The following A2ML1 variants were observed in gnomAD, a reference collection of about 807,000 sequenced individuals.
A2ML1 encodes alpha-2-macroglobulin like 1, also known as alpha-2-macroglobulin-like protein 1.
Under a neutral mutation model 181.9 loss-of-function variants are expected in A2ML1, and 161 were observed. That is an observed-to-expected ratio of 0.89 (90% CI 0.78 to 1.01). A2ML1 has a LOEUF of 1.01. Ranked by LOEUF, A2ML1 falls within the 50% of genes least tolerant of loss-of-function variation. The pLI, the probability that A2ML1 is intolerant of heterozygous loss-of-function variation, is 0.00. For synonymous variants in A2ML1, 663 were observed against 666.8 expected, an observed-to-expected ratio of 0.99 and a Z score of 0.09; for missense variants, 1,670 against 1,768.1, an observed-to-expected ratio of 0.94 and a Z score of 1.00.
At chr12:8,832,426 G>A (rs1473544123) in intron 4 of A2ML1, among the ~76,000 whole-genome samples, 1 of 152,208 alleles carries the variant, frequency 6.6e-6, no homozygotes, top group Non-Finnish European at 1.5e-5. Flanking sequence ...CGGGCAAGAA[G>A]GGGGTCTTTT....
At chr12:8,829,390 C>T (rs987511196) in intron 3 of A2ML1, among the ~76,000 whole-genome samples, 2 of 152,102 alleles carry the variant, frequency 1.3e-5, no homozygotes, top group Non-Finnish European at 2.9e-5. Flanking sequence ...AGGCGGAGCG[C>T]GGTGGCTCAC....
At chr12:8,857,847 C>T (rs1019728332) in intron 25 of A2ML1, 99 bp from the exon 26 acceptor site, 16 of 1,498,250 alleles carry the variant, frequency 1.1e-5, no homozygotes, top group Non-Finnish European at 1.4e-5. Context: ...GTTCCCTCAG[C>T]TCCCCTTCTG....
chr12:8,860,487 A>G (rs1322351767), intron 26 of A2ML1, among the ~76,000 whole-genome samples: 5 of 152,196 alleles, frequency 3.3e-5, no homozygotes, highest in Non-Finnish European at 4.4e-5. Flanking sequence ...CTGCTGGAGA[A>G]GGGCTGGGTA....
Position 8,848,752 on chromosome 12 carries a change from C to G in A2ML1, c.1866C>G (p.His622Gln). 1 of 1,613,678 alleles carries G rather than the reference C, an allele frequency of 6.2e-7. No individual in the cohort carries two copies. Among genetic ancestry groups the G allele is most frequent in the Non-Finnish European group, 8.5e-7 (1 of 1,179,840 alleles). ...GGATGTTTCCATTCTGGTATGGTCACTACCCCTATCAAGTGGCTGAGTATG... is the reference window on the plus strand; with the variant it reads ...GGATGTTTCCATTCTGGTATGGTCAGTACCCCTATCAAGTGGCTGAGTATG... Reference protein sequence around the residue: ...VYGMFPFWYGHYPYQVAEYDQ... With the variant: ...VYGMFPFWYGQYPYQVAEYDQ... Residue 622 changes from histidine to glutamine, a missense_variant, in exon 16 of 36, where the codon CAC (histidine) becomes CAG (glutamine). By Grantham distance (24) the His-to-Gln change is conservative. Transcript: ENST00000299698.
chr12:8,829,282 C>G (rs1943032976), intron 3 of A2ML1, among the ~76,000 whole-genome samples: 1 of 152,180 alleles, frequency 6.6e-6, no homozygotes, highest in South Asian at 2.1e-4. Flanking sequence ...ACCTTACTCT[C>G]AGAGCAGGTT....
chr12:8,868,396 T>C (rs757090375), intron 31 of A2ML1, 39 bp downstream of exon 31: 9 of 1,607,876 alleles, frequency 5.6e-6, no homozygotes, highest in African/African-American at 1.3e-5. Flanking sequence ...GCAGAGCACC[T>C]GGTCATAGGA....
intron 13 of A2ML1, 144 bp from the exon 14 acceptor site, chr12:8,845,933 C>T: frequency 1.6e-6 from 1 of 644,428 alleles, no homozygotes; most frequent in Non-Finnish European, 2.5e-6. Context: ...GGAGCACTAA[C>T]AGTTATCACA....
chr12:8,842,521 T>C (rs927821174), intron 11 of A2ML1, among the ~76,000 whole-genome samples: 14 of 152,104 alleles, frequency 9.2e-5, no homozygotes, highest in African/African-American at 3.4e-4. Context: ...GCCCGGCCCC[T>C]GTTGCATATG....
At chr12:8,850,358 G>A in intron 18 of A2ML1, 84 bp downstream of exon 18, 2 of 1,036,164 alleles carry the variant, frequency 1.9e-6, no homozygotes, top group Non-Finnish European at 2.7e-6. Context: ...GCTTAGGAGG[G>A]AGGATCACTT....
rs1306402220 is a variant in A2ML1 at position 8,852,695 on chromosome 12, TA to T, written c.2590+360del. On this transcript the variant is annotated intron_variant, in intron 20 of 35. Coordinates refer to ENST00000299698, the MANE Select transcript of A2ML1 (RefSeq NM_144670.6). The surrounding 1 kb of genome is among the most constrained non-coding windows in gnomAD (Gnocchi z 4.2). The stretch of plus-strand genomic sequence containing the variant: ...TTAAATTGATTGACTAATTAATTTT[TA>T]TTTTATTTATTTATTTTTGAGAGGA... 1.3e-5 allele frequency among the ~76,000 whole-genome samples: 2 copies of T among 152,236 alleles called. No homozygotes were observed. Among genetic ancestry groups the T allele is most frequent in the African/African-American group, 4.8e-5 (2 of 41,458 alleles).
Position 8,841,009 on chromosome 12 carries a change from AGGAC to A in A2ML1, c.1081-356_1081-353del, listed in dbSNP as rs1322128716. Among the ~76,000 whole-genome samples, 404 of 76,980 alleles carry A rather than the reference AGGAC, an allele frequency of 5.2e-3. 5 individuals carry two copies. The highest frequency in any genetic ancestry group is 0.011 in the Middle Eastern group (2 of 184). The allele number at this position is 76,980 out of a possible 152,430, so 50.5% of individuals were successfully genotyped here. A position where few individuals can be genotyped will look rare whatever the true frequency, so the allele number is the denominator to read the frequency against. ...AAGGAAGGAAGGAAGGAAGGAAGGA[AGGAC>A]GGAAGGAAGGAAGGAAGGAAGGAAA... On this transcript the variant is annotated intron_variant, in intron 10 of 35. Transcript: ENST00000299698.
At chr12:8,831,827 G>T (rs71447538) in intron 4 of A2ML1, among the ~76,000 whole-genome samples, 2 of 151,712 alleles carry the variant, frequency 1.3e-5, no homozygotes, top group African/African-American at 4.8e-5. Flanking sequence ...TCGGCTCGCC[G>T]CAACCTCTGC....
chr12:8,847,700 T>A lies in A2ML1; in HGVS notation c.1833+2T>A. On this transcript the variant is annotated splice_donor_variant, in intron 15 of 35. Transcript: ENST00000299698. LOFTEE classifies it high-confidence loss of function. ...GACAGAGAGCTGAGCAACCGCTCTG[T>A]GAGTAACTGTCTGCTGACAGAGTGG... The A allele has an allele frequency of 6.2e-7, 1 of 1,607,688 alleles. No individual in the cohort carries two copies. Among genetic ancestry groups the A allele is most frequent in the Non-Finnish European group, 8.5e-7 (1 of 1,177,732 alleles).
At chr12:8,831,575 A>G (rs1454928795) in intron 4 of A2ML1, among the ~76,000 whole-genome samples, 1 of 152,104 alleles carries the variant, frequency 6.6e-6, no homozygotes, top group Non-Finnish European at 1.5e-5. Context: ...TGTTTATGTA[A>G]CCACCCAATG....
chr12:8,867,110 C>T (rs1438730167), intron 29 of A2ML1, among the ~76,000 whole-genome samples: 1 of 152,154 alleles, frequency 6.6e-6, no homozygotes. Context: ...ATACTCCTTC[C>T]AACTGTCATG....
intron 7 of A2ML1, among the ~76,000 whole-genome samples, chr12:8,885,654 G>A (rs905342621): frequency 6.6e-6 from 1 of 152,012 alleles, no homozygotes; most frequent in Non-Finnish European, 1.5e-5. Context: ...GATAGAGTTG[G>A]GGTTTCAGCA....
intron 10 of A2ML1, among the ~76,000 whole-genome samples, chr12:8,840,762 G>T (rs775772957): frequency 6.6e-6 from 1 of 151,988 alleles, no homozygotes; most frequent in African/African-American, 2.4e-5. Context: ...ACAAAAATTA[G>T]CCAGGTATGG....
chr12:8,868,134 T>A, intron 30 of A2ML1, 77 bp downstream of exon 30: 1 of 1,608,870 alleles, frequency 6.2e-7, no homozygotes, highest in Non-Finnish European at 8.5e-7. Context: ...GCCTTCTCTC[T>A]CTCTTTCTTT....
chr12:8,823,196 C>A lies in A2ML1; in HGVS notation c.77C>A (p.Thr26Lys), dbSNP rs2136693908. ...TCCTTTAATAGAAACTACCTGGTGA[C>A]ATTACCAGCCCGGCTAAATTTCCCC... ...IAEELPNYLV[T>K]LPARLNFPSV... The change falls in exon 2 of 36, where the codon ACA becomes AAA. Residue 26 changes from threonine (T) to lysine (K), a missense_variant. Coordinates refer to ENST00000299698, the MANE Select transcript of A2ML1 (RefSeq NM_144670.6). The A allele has an allele frequency of 6.2e-7, 1 of 1,613,610 alleles. No individual in the cohort carries two copies. The highest frequency in any genetic ancestry group is 1.3e-5 in the African/African-American group (1 of 75,008).
Sources: allele counts gnomAD v4.1 joint callset (sites outside exome capture counted in the v4.1 genomes callset), GRCh38; gene constraint gnomAD v4.1.1; non-coding constraint Gnocchi (gnomAD v3.1); transcripts MANE v1.5; gene names NCBI Gene and HGNC (gene_info 2026-07-23, HGNC 2026-07-21).